Variants in PLXNA2 observed in about 807,000 individuals in gnomAD.
PLXNA2 encodes plexin-A2.
Under a neutral mutation model 193.5 loss-of-function variants are expected in PLXNA2, and 91 were observed. That is an observed-to-expected ratio of 0.47 (90% CI 0.40 to 0.56). The LOEUF (loss-of-function observed/expected upper bound fraction) is 0.56, where lower values mean the gene tolerates loss of function less well. Among genes scored for constraint, PLXNA2 ranks in the 20% least tolerant of loss-of-function variants. The pLI is 0.00. For missense variants in PLXNA2, 1,995 were observed against 2,503.2 expected (o/e 0.80, Z 4.33); for synonymous variants, 997 against 1,027.3 (o/e 0.97, Z 0.56).
chr1:208,132,054 T>TG (rs905680222), intron 4 of PLXNA2, among the ~76,000 whole-genome samples: 7 of 152,200 alleles, frequency 4.6e-5, no homozygotes, highest in Admixed American at 2.6e-4. Context: ...GGCGCTTGGC[T>TG]GGCTGCGCAG....
Position 208,060,787 on chromosome 1 carries a change from A to T in PLXNA2, c.2637T>A (p.His879Gln), listed in dbSNP as rs900154323. The change falls in exon 13 of 32, where the codon CAT becomes CAA. Residue 879 changes from histidine (H) to glutamine (Q), a missense_variant. Physicochemically the swap from His to Gln is conservative, Grantham distance 24 (BLOSUM62 0). Coordinates refer to ENST00000367033, the MANE Select transcript of PLXNA2 (RefSeq NM_025179.4). ...PPEGGTRVTI[H>Q]GVNLGLDFSE... ...AGAAGTCCAGACCCAGGTTCACGCCATGGATGGTCACTCGCGTCCCTCCTT... is the reference window on the plus strand; with the variant it reads ...AGAAGTCCAGACCCAGGTTCACGCCTTGGATGGTCACTCGCGTCCCTCCTT... The T allele has an allele frequency of 6.2e-7, 1 of 1,614,136 alleles. No individual in the cohort carries two copies. Among genetic ancestry groups the T allele is most frequent in the African/African-American group, 1.3e-5 (1 of 75,060 alleles).
chr1:208,142,792 TGTAA>T (rs1264722678), intron 3 of PLXNA2, among the ~76,000 whole-genome samples: 10 of 152,226 alleles, frequency 6.6e-5, no homozygotes, highest in Admixed American at 3.9e-4. Flanking sequence ...TGTATGTGTG[TGTAA>T]GTGAGTGTGT....
At chr1:208,070,742 T>C (rs1430047210) in intron 12 of PLXNA2, among the ~76,000 whole-genome samples, 1 of 152,070 alleles carries the variant, frequency 6.6e-6, no homozygotes, top group Non-Finnish European at 1.5e-5. Flanking sequence ...GTAAAATGGG[T>C]CTAATGACAA....
At position 208,036,059 on chromosome 1, in the gene PLXNA2, T is replaced by C. The variant is rs76558149; in HGVS notation, c.4765-1467A>G. Among the ~76,000 whole-genome samples the C allele has an allele frequency of 5.9e-3, 895 of 152,336 alleles. 5 individuals are homozygous for C. The highest frequency in any genetic ancestry group is 9.1e-3 in the Non-Finnish European group (616 of 68,034). On this transcript the variant is annotated intron_variant, in intron 26 of 31. Coordinates refer to ENST00000367033, the MANE Select transcript of PLXNA2 (RefSeq NM_025179.4). ...TTGATGGTATAAAGCTCCAAGGTCC[T>C]GTGCCTGGAAGGTGCCAAGGCTCCA...
intron 3 of PLXNA2, among the ~76,000 whole-genome samples, chr1:208,180,167 T>A (rs1280267937): frequency 1.0e-5 from 1 of 95,250 alleles, no homozygotes; most frequent in Non-Finnish European, 2.1e-5. Flanking sequence ...GGCTTGTATT[T>A]TTTTTTTTTT....
intron 1 of PLXNA2, among the ~76,000 whole-genome samples, chr1:208,228,849 C>A (rs969408051): frequency 1.3e-5 from 2 of 152,128 alleles, no homozygotes; most frequent in African/African-American, 4.8e-5. Flanking sequence ...GCCTCATAAA[C>A]CCTCTAGGGC....
At position 208,172,623 on chromosome 1, in the gene PLXNA2, A is replaced by G. The variant is rs976257012; in HGVS notation, c.1372-30160T>C. 3.9e-5 allele frequency among the ~76,000 whole-genome samples: 6 copies of G among 152,128 alleles called. No homozygotes were observed. In the South Asian group the frequency reaches 1.0e-3, roughly 26 times the overall value. On this transcript the variant is annotated intron_variant, in intron 3 of 31. Transcript: ENST00000367033. ...GAGTTCTTGGGTGGCAACTATCCCA[A>G]GGAAGCTGCTTTCTCTTTATAACAG... is the stretch of plus-strand genomic sequence containing the variant.
intron 26 of PLXNA2, among the ~76,000 whole-genome samples, chr1:208,035,635 C>T (rs556635489): frequency 2.6e-5 from 4 of 152,280 alleles, no homozygotes; most frequent in East Asian, 3.9e-4. Context: ...AAACCCCTAA[C>T]GCAGAGGGAA....
chr1:208,203,663 A>T (rs549157286), intron 3 of PLXNA2, among the ~76,000 whole-genome samples: 35 of 152,254 alleles, frequency 2.3e-4, no homozygotes, highest in Non-Finnish European at 3.8e-4. Flanking sequence ...GTTTGGGGAG[A>T]AAGTCTAAAT....
intron 3 of PLXNA2, among the ~76,000 whole-genome samples, chr1:208,186,588 AAGGT>A (rs1670005113): frequency 6.6e-6 from 1 of 152,204 alleles, no homozygotes; most frequent in Non-Finnish European, 1.5e-5. Context: ...ATCTTTCAGA[AAGGT>A]AGGCTTGGAG....
At chr1:208,034,366 G>A in intron 27 of PLXNA2, 127 bp downstream of exon 27, 1 of 654,236 alleles carries the variant, frequency 1.5e-6, no homozygotes, top group Non-Finnish European at 2.8e-6. Flanking sequence ...GAAACCAACT[G>A]GCAGGAGCCT....
chr1:208,142,384 C>G lies in PLXNA2; in HGVS notation c.1451G>C (p.Arg484Pro). Residue 484 changes from arginine (R) to proline (P), a missense_variant, in exon 4 of 32, where the codon CGG becomes CCG. Arg to Pro is a moderately radical substitution (Grantham distance 103, BLOSUM62 -2). Coordinates refer to ENST00000367033, the MANE Select transcript of PLXNA2 (RefSeq NM_025179.4). The part of the protein sequence containing the change: ...SVLKDGSPIL[R>P]DMAFSIDQRY... ...CTGATCAATGGAGAAGGCCATGTCCCGGAGGATGGGGCTTCCGTCCTTGAG... is the reference window on the plus strand; with the variant it reads ...CTGATCAATGGAGAAGGCCATGTCCGGGAGGATGGGGCTTCCGTCCTTGAG... 6.2e-7 allele frequency: 1 copy of G among 1,613,976 alleles called. No individual in the cohort carries two copies. Among genetic ancestry groups the G allele is most frequent in the Non-Finnish European group, 8.5e-7 (1 of 1,179,932 alleles).
In PLXNA2 at chr1:208,060,683, C is replaced by T; in HGVS notation, c.2738+3G>A. On this transcript the variant is annotated splice_donor_region_variant and intron_variant, in intron 13 of 31. Transcript: ENST00000367033. ...GGAAAAGGGCTGGCCAGGGCGGACT[C>T]ACTGCTCAGCGATGATGTATTCCCC... 1.2e-6 allele frequency: 2 copies of T among 1,611,138 alleles called. No homozygotes were observed. Among genetic ancestry groups the T allele is most frequent in the South Asian group, 2.2e-5 (2 of 90,772 alleles).
Position 208,027,177 on chromosome 1 carries a change from C to A in PLXNA2, c.*66G>T. On this transcript the variant is annotated 3_prime_UTR_variant, in exon 32 of 32. Coordinates refer to ENST00000367033, the MANE Select transcript of PLXNA2 (RefSeq NM_025179.4). ...GCCTGATCCCCATCACTTGTCCTTC[C>A]ATCTGAGACTCCCAGTGTGACAGCT... is the stretch of plus-strand genomic sequence containing the variant. The A allele has an allele frequency of 7.3e-7, 1 of 1,368,242 alleles. No homozygotes were observed. Among genetic ancestry groups the A allele is most frequent in the Non-Finnish European group, 1.0e-6 (1 of 964,094 alleles). 84.8% of individuals were successfully genotyped at this position (1,368,242 alleles called of 1,614,324 possible). A position where few individuals can be genotyped will look rare whatever the true frequency, so the allele number is the denominator to read the frequency against.
chr1:208,161,908 T>C (rs1037490268), intron 3 of PLXNA2, among the ~76,000 whole-genome samples: 5 of 152,342 alleles, frequency 3.3e-5, no homozygotes, highest in African/African-American at 9.6e-5. Context: ...ATTTTCCAGA[T>C]TGTATTGAAT....
At chr1:208,148,916 T>C (rs1435268056) in intron 3 of PLXNA2, among the ~76,000 whole-genome samples, 2 of 152,210 alleles carry the variant, frequency 1.3e-5, no homozygotes, top group African/African-American at 2.4e-5. Context: ...ATAAAGCTGT[T>C]CTTGTTATGC....
intron 4 of PLXNA2, among the ~76,000 whole-genome samples, chr1:208,140,912 C>CACTACTTACTTGTCTATTTT (rs1668438656): frequency 6.6e-6 from 1 of 152,182 alleles, no homozygotes; most frequent in Non-Finnish European, 1.5e-5. Context: ...GCACTTTGTT[C>CACTACTTACTTGTCTATTTT]CCAATAAATA....
intron 13 of PLXNA2, among the ~76,000 whole-genome samples, chr1:208,055,071 A>G (rs1665383109): frequency 6.6e-6 from 1 of 152,154 alleles, no homozygotes; most frequent in Admixed American, 6.5e-5. Context: ...AGCTCAGAGA[A>G]GGAGCTCCCT....
At chr1:208,194,209 T>G (rs573018850) in intron 3 of PLXNA2, among the ~76,000 whole-genome samples, 1 of 151,872 alleles carries the variant, frequency 6.6e-6, no homozygotes, top group South Asian at 2.1e-4. Context: ...TAGATGCAAA[T>G]CAATTTCCAA....
Sources: allele counts gnomAD v4.1 joint callset (sites outside exome capture counted in the v4.1 genomes callset), GRCh38; gene constraint gnomAD v4.1.1; transcripts MANE v1.5; gene names NCBI Gene and HGNC (gene_info 2026-07-23, HGNC 2026-07-21).